The following ACSS3 variants were observed in gnomAD, a reference collection of about 807,000 sequenced individuals.
ACSS3 encodes acyl-CoA synthetase short chain family member 3.
ACSS3 carries 64 observed loss-of-function variants against 84.2 expected under a neutral mutation model. The observed-to-expected ratio is 0.76, with a 90% CI of 0.62 to 0.94. The LOEUF is 0.94. Among genes scored for constraint, ACSS3 ranks in the 40% least tolerant of loss-of-function variants. The pLI is 0.00. For synonymous variants in ACSS3, 317 were observed against 310.1 expected (o/e 1.02, Z -0.23); for missense variants, 815 against 867.6 (o/e 0.94, Z 0.76).
chr12:81,238,215 G>A (rs2033687557), intron 13 of ACSS3, among the ~76,000 whole-genome samples: 1 of 151,518 alleles, frequency 6.6e-6, no homozygotes, highest in Non-Finnish European at 1.5e-5. Context: ...ATTCCACCTG[G>A]TCATGGTACA....
intron 11 of ACSS3, among the ~76,000 whole-genome samples, chr12:81,222,761 AT>A (rs1308721286): frequency 6.6e-6 from 1 of 152,016 alleles, no homozygotes; most frequent in East Asian, 1.9e-4. Context: ...GAAGTTGGCC[AT>A]TTTAGCACTT....
chr12:81,174,980 C>T, intron 8 of ACSS3, 41 bp downstream of exon 8: 3 of 1,591,596 alleles, frequency 1.9e-6, no homozygotes, highest in Admixed American at 3.4e-5. Context: ...TTAGAAAGTG[C>T]AATCAAAATG....
chr12:81,120,168 A>G (rs1049534249), intron 2 of ACSS3, among the ~76,000 whole-genome samples: 2 of 152,220 alleles, frequency 1.3e-5, no homozygotes, highest in East Asian at 3.8e-4. Context: ...CATAGTTAAT[A>G]ATGAAAATGT....
Position 81,090,487 on chromosome 12 carries a change from C to G in ACSS3, c.311+12056C>G, listed in dbSNP as rs115557438. On this transcript the variant is annotated intron_variant, in intron 1 of 15. Coordinates refer to ENST00000548058, the MANE Select transcript of ACSS3 (RefSeq NM_024560.4). ...AAGCCTTCTGTATATATCAGTTGAA[C>G]TGACATTAAAAACTTCACCATATAC... Among the ~76,000 whole-genome samples the G allele has an allele frequency of 4.6e-3, 698 of 150,116 alleles. 8 individuals are homozygous for G. The highest frequency in any genetic ancestry group is 0.017 in the African/African-American group (673 of 39,730).
chr12:81,208,152 A>G (rs898861531), intron 9 of ACSS3, among the ~76,000 whole-genome samples: 2 of 152,156 alleles, frequency 1.3e-5, no homozygotes, highest in African/African-American at 2.4e-5. Context: ...GTTTCTTTAC[A>G]AATTGCCTCT....
intron 8 of ACSS3, among the ~76,000 whole-genome samples, chr12:81,181,246 C>G (rs2030897738): frequency 6.9e-6 from 1 of 145,398 alleles, no homozygotes; most frequent in Admixed American, 7.0e-5. Flanking sequence ...AATCATGCAG[C>G]CAGGTCACTA....
At chr12:81,100,473 T>G (rs12296937) in intron 1 of ACSS3, among the ~76,000 whole-genome samples, 7,724 of 152,236 alleles carry the variant, frequency 0.051, 304 homozygotes, top group African/African-American at 0.11. Context: ...AGTGACTATT[T>G]ATTTACAGGA....
At chr12:81,165,770 T>C (rs565505429) in intron 7 of ACSS3, among the ~76,000 whole-genome samples, 4 of 152,316 alleles carry the variant, frequency 2.6e-5, no homozygotes, top group East Asian at 1.9e-4. Flanking sequence ...TCATCACCTA[T>C]GATAAATACT....
chr12:81,246,604 C>A lies in ACSS3; in HGVS notation c.1720-6703C>A, dbSNP rs7299550. Among the ~76,000 whole-genome samples, 1,148 of 152,248 alleles carry A rather than the reference C, an allele frequency of 7.5e-3. 16 individuals are homozygous for A. Among genetic ancestry groups the A allele is most frequent in the African/African-American group, 0.026 (1,073 of 41,522 alleles). The stretch of plus-strand genomic sequence containing the variant: ...CTGAGTCTACCAATATATATTTTAG[C>A]CCAGAGTTTTTCATTGTTATTGTGG... On this transcript the variant is annotated intron_variant, in intron 13 of 15. Transcript: ENST00000548058.
chr12:81,226,775 C>T (rs1465100207), intron 11 of ACSS3, among the ~76,000 whole-genome samples: 2 of 151,778 alleles, frequency 1.3e-5, no homozygotes, highest in African/African-American at 4.8e-5. Flanking sequence ...TTCTTCAACC[C>T]TCACACTTAA....
In ACSS3 at chr12:81,254,788, T is replaced by A. The variant is rs1222777812; in HGVS notation, c.1996-69T>A. The A allele has an allele frequency of 3.2e-6, 4 of 1,257,230 alleles. No homozygotes were observed. In the African/African-American group the frequency reaches 6.1e-5, roughly 19 times the overall value. 77.9% of individuals were successfully genotyped at this position (1,257,230 alleles called of 1,614,324 possible). On this transcript the variant is annotated intron_variant, in intron 15 of 15. Coordinates refer to ENST00000548058, the MANE Select transcript of ACSS3 (RefSeq NM_024560.4). Reference sequence around the variant, plus strand: ...TGGGGAAAACAACATTGCATATAATTGTTTAATTATAGAAAGAGTAGAAGA... The same window carrying A: ...TGGGGAAAACAACATTGCATATAATAGTTTAATTATAGAAAGAGTAGAAGA...
At position 81,150,025 on chromosome 12, in the gene ACSS3, G is replaced by A. The variant is rs188786375; in HGVS notation, c.922-1819G>A. Among the ~76,000 whole-genome samples the A allele has an allele frequency of 4.9e-4, 74 of 152,242 alleles. 1 individual carries two copies. The highest frequency in any genetic ancestry group is 1.4e-3 in the Admixed American group (21 of 15,300). On this transcript the variant is annotated intron_variant, in intron 5 of 15. Coordinates refer to ENST00000548058, the MANE Select transcript of ACSS3 (RefSeq NM_024560.4). ...GAAGTACTCATCTGAGAGGTAAATA[G>A]AAATTTGTCAACTTATCCTTTACAT...
chr12:81,216,786 C>T, intron 9 of ACSS3, 115 bp from the exon 10 acceptor site: 1 of 720,148 alleles, frequency 1.4e-6, no homozygotes, highest in Non-Finnish European at 2.3e-6. Flanking sequence ...TTCATCTATT[C>T]CTAACACAGC....
rs370946978 is a variant in ACSS3 at position 81,174,087 on chromosome 12, G to A, written c.1099-701G>A. Among the ~76,000 whole-genome samples, 62 of 152,284 alleles carry A rather than the reference G, an allele frequency of 4.1e-4. No individual in the cohort carries two copies. The East Asian group carries it at 5.8e-3, about 14-fold the overall frequency. On this transcript the variant is annotated intron_variant, in intron 7 of 15. Coordinates refer to ENST00000548058, the MANE Select transcript of ACSS3 (RefSeq NM_024560.4). ...ATAGGTTTTATGGGTTAGTTAGAAT[G>A]TTTGGAGAGTTACTGACTTATTTCA...
intron 8 of ACSS3, among the ~76,000 whole-genome samples, chr12:81,188,535 C>T (rs2031398115): frequency 6.6e-6 from 1 of 151,984 alleles, no homozygotes; most frequent in East Asian, 1.9e-4. Flanking sequence ...TCTTGGCTTC[C>T]CAAAAATATG....
chr12:81,171,773 G>A (rs948148956), intron 7 of ACSS3, among the ~76,000 whole-genome samples: 4 of 152,218 alleles, frequency 2.6e-5, no homozygotes. Flanking sequence ...TCTGAGAAAT[G>A]TATCCTTAGG....
At chr12:81,250,732 C>G (rs2034125927) in intron 13 of ACSS3, among the ~76,000 whole-genome samples, 1 of 151,966 alleles carries the variant, frequency 6.6e-6, no homozygotes, top group Non-Finnish European at 1.5e-5. Context: ...AGTCATGGCA[C>G]CAATAAACAC....
chr12:81,168,667 C>A (rs2135803365), intron 7 of ACSS3, among the ~76,000 whole-genome samples: 1 of 152,178 alleles, frequency 6.6e-6, no homozygotes, highest in South Asian at 2.1e-4. Flanking sequence ...ACATTTATGT[C>A]CAGTCTAGAG....
At chr12:81,144,002 A>C (rs1886209383) in intron 5 of ACSS3, among the ~76,000 whole-genome samples, 1 of 152,170 alleles carries the variant, frequency 6.6e-6, no homozygotes. Context: ...ATATTCATTG[A>C]ATTGTAGAAT....
Sources: allele counts gnomAD v4.1 joint callset (sites outside exome capture counted in the v4.1 genomes callset), GRCh38; gene constraint gnomAD v4.1.1; transcripts MANE v1.5; gene names NCBI Gene and HGNC (gene_info 2026-07-23, HGNC 2026-07-21).